MAP2K5: variants seen among roughly 807,000 people sequenced by gnomAD.
MAP2K5 encodes dual specificity mitogen-activated protein kinase kinase 5.
A neutral mutation model predicts 83.1 loss-of-function variants in MAP2K5; 49 were observed. The ratio of observed to expected loss-of-function variants is 0.59; its 90% CI spans 0.47 to 0.75. The LOEUF is 0.75. Ranked by LOEUF, MAP2K5 falls within the 30% of genes least tolerant of loss-of-function variation. The pLI is 0.00. For synonymous variants in MAP2K5, 202 were observed against 191.8 expected, an observed-to-expected ratio of 1.05 and a Z score of -0.44; for missense variants, 457 against 557.5, an observed-to-expected ratio of 0.82 and a Z score of 1.82.
chr15:67,762,651 A>C (rs1268989806), intron 19 of MAP2K5, among the ~76,000 whole-genome samples: 1 of 152,140 alleles, frequency 6.6e-6, no homozygotes, highest in Non-Finnish European at 1.5e-5. Context: ...CTTTTATCCC[A>C]ATACTGAAGA....
At chr15:67,706,836 G>A (rs2088566547) in intron 16 of MAP2K5, among the ~76,000 whole-genome samples, 1 of 152,166 alleles carries the variant, frequency 6.6e-6, no homozygotes. Context: ...ATGTGATAGG[G>A]AAGAGAAGTA....
rs553567449 is a variant in MAP2K5, at chr15:67,748,802, A to T, written c.1134+201A>T. On this transcript the variant is annotated intron_variant, in intron 19 of 21. Transcript: ENST00000178640. The surrounding 1 kb of genome is among the most constrained non-coding windows in gnomAD (Gnocchi z 4.0). ...TGGCCAAGAAACCCTGCAAAAACAGACTATCCCGCAGGCTGGTCCTCAGGG... is the reference window on the plus strand; with the variant it reads ...TGGCCAAGAAACCCTGCAAAAACAGTCTATCCCGCAGGCTGGTCCTCAGGG... 6.6e-6 allele frequency among the ~76,000 whole-genome samples: 1 copy of T among 152,318 alleles called. No homozygotes were observed. Among genetic ancestry groups the T allele is most frequent in the African/African-American group, 2.4e-5 (1 of 41,574 alleles).
intron 19 of MAP2K5, among the ~76,000 whole-genome samples, chr15:67,752,234 T>G (rs529784906): frequency 6.6e-6 from 1 of 151,946 alleles, no homozygotes; most frequent in South Asian, 2.1e-4. Flanking sequence ...CCTGGCCAAT[T>G]TTTTGTATTA....
At position 67,587,118 on chromosome 15, in the gene MAP2K5, T is replaced by C. The variant is rs62015155; in HGVS notation, c.431+205T>C. On this transcript the variant is annotated intron_variant, in intron 6 of 21. Transcript: ENST00000178640. The surrounding 1 kb of genome is among the most constrained non-coding windows in gnomAD (Gnocchi z 4.8). ...TCTCTGGGGAGAGTGACGTTTCTGT[T>C]TTGACCTGAAGAAGCAGAGAAGGGC... Among the ~76,000 whole-genome samples, 12,951 of 152,120 alleles carry C rather than the reference T, an allele frequency of 0.085. 650 individuals carry two copies. The highest frequency in any genetic ancestry group is 0.13 in the East Asian group (647 of 5,174).
At chr15:67,704,473 T>C (rs1309759115) in intron 16 of MAP2K5, among the ~76,000 whole-genome samples, 1 of 152,254 alleles carries the variant, frequency 6.6e-6, no homozygotes, top group Non-Finnish European at 1.5e-5. Context: ...GTAACCTTTT[T>C]TTTTAGTCAA....
At chr15:67,620,922 A>G (rs557444502) in intron 8 of MAP2K5, among the ~76,000 whole-genome samples, 2 of 152,330 alleles carry the variant, frequency 1.3e-5, no homozygotes, top group South Asian at 4.1e-4. Flanking sequence ...TGTAAAGTAA[A>G]TGAATTAGGT....
chr15:67,732,211 C>T (rs2089238440), intron 17 of MAP2K5, among the ~76,000 whole-genome samples: 1 of 152,094 alleles, frequency 6.6e-6, no homozygotes, highest in South Asian at 2.1e-4. Context: ...CATGTAGATC[C>T]AAATTCAGTT....
rs747080098 is a variant in MAP2K5 at position 67,783,691 on chromosome 15, G to C, written c.1242+10939G>C. Among the ~76,000 whole-genome samples the C allele has an allele frequency of 6.6e-6, 1 of 152,188 alleles. No individual in the cohort carries two copies. The highest frequency in any genetic ancestry group is 1.9e-4 in the East Asian group (1 of 5,192). ...TCCTTAGCATCTAGCCCAGTCTCCA[G>C]CCTGAGTAGAATGCTCAAATATATG... is the stretch of plus-strand genomic sequence containing the variant. On this transcript the variant is annotated intron_variant, in intron 21 of 21. Coordinates refer to ENST00000178640, the MANE Select transcript of MAP2K5 (RefSeq NM_145160.3). This position sits in a 1 kb window ranked among gnomAD's most constrained non-coding sequence, Gnocchi z 5.1.
rs1184055351 is a variant in MAP2K5 at position 67,637,429 on chromosome 15, G to A, written c.585+6502G>A. ...GAACTAATTTTCCCCGTGCAGCAGA[G>A]GTAGTACTCTTCTGAGTACTCTACC... On this transcript the variant is annotated intron_variant, in intron 9 of 21. Transcript: ENST00000178640. The surrounding 1 kb of genome is among the most constrained non-coding windows in gnomAD (Gnocchi z 4.5). Among the ~76,000 whole-genome samples, 2 of 152,182 alleles carry A rather than the reference G, an allele frequency of 1.3e-5. No homozygotes were observed. Among genetic ancestry groups the A allele is most frequent in the African/African-American group, 4.8e-5 (2 of 41,442 alleles).
intron 2 of MAP2K5, among the ~76,000 whole-genome samples, chr15:67,554,309 T>G (rs2084579642): frequency 6.6e-6 from 1 of 152,210 alleles, no homozygotes. Flanking sequence ...TCCATGCTCC[T>G]CAGCCTCTCA....
At chr15:67,756,748 C>A (rs1156277228) in intron 19 of MAP2K5, among the ~76,000 whole-genome samples, 1 of 152,086 alleles carries the variant, frequency 6.6e-6, no homozygotes, top group Non-Finnish European at 1.5e-5. Context: ...ATGAGTTCAG[C>A]TATTTTAGAT....
chr15:67,609,019 G>A (rs979406573), intron 8 of MAP2K5, among the ~76,000 whole-genome samples: 1 of 152,148 alleles, frequency 6.6e-6, no homozygotes, highest in Non-Finnish European at 1.5e-5. Context: ...TCATTGCTGG[G>A]TGACTCTGGG....
Position 67,737,575 on chromosome 15 carries a change from G to GCT in MAP2K5, c.1074+9631_1074+9632insTC, listed in dbSNP as rs574496902. Among the ~76,000 whole-genome samples, 680 of 152,182 alleles carry GCT rather than the reference G, an allele frequency of 4.5e-3. 7 individuals are homozygous for GCT. Among genetic ancestry groups the GCT allele is most frequent in the African/African-American group, 0.015 (642 of 41,510 alleles). On this transcript the variant is annotated intron_variant, in intron 17 of 21. Transcript: ENST00000178640. ...AGTTCATTGAAAAAATCAATGAGTT[G>GCT]CCTAAAAGGAGCAAAGAGCTGATTC...
At chr15:67,602,540 C>T (rs755603984) in intron 8 of MAP2K5, among the ~76,000 whole-genome samples, 10 of 152,126 alleles carry the variant, frequency 6.6e-5, no homozygotes, top group Non-Finnish European at 1.5e-4. Context: ...ATTTTCCTAG[C>T]TTATTTCTAG....
rs924467132 is a variant in MAP2K5 at position 67,781,585 on chromosome 15, G to A, written c.1242+8833G>A. Among the ~76,000 whole-genome samples, 2 of 152,194 alleles carry A rather than the reference G, an allele frequency of 1.3e-5. No individual in the cohort carries two copies. The highest frequency in any genetic ancestry group is 6.5e-5 in the Admixed American group (1 of 15,288). On this transcript the variant is annotated intron_variant, in intron 21 of 21. Coordinates refer to ENST00000178640, the MANE Select transcript of MAP2K5 (RefSeq NM_145160.3). This position sits in a 1 kb window ranked among gnomAD's most constrained non-coding sequence, Gnocchi z 4.0. ...GGTCTACCGAGAGACATTTGCTGGAGTGTGGACTAGTTTCTTTCCAGTATC... is the reference window on the plus strand; with the variant it reads ...GGTCTACCGAGAGACATTTGCTGGAATGTGGACTAGTTTCTTTCCAGTATC...
At chr15:67,628,523 A>G in intron 8 of MAP2K5, 1 of 773,614 alleles carries the variant, frequency 1.3e-6, no homozygotes. Flanking sequence ...ACTGAGGAAT[A>G]TCACCTAAGA....
Position 67,717,867 on chromosome 15 carries a change from C to T in MAP2K5, c.1045-10049C>T, listed in dbSNP as rs2088864377. ...TGCAAAAGCTACAGATCTGTTAAGG[C>T]CCAACCTCAGAAATTACACAGGATT... On this transcript the variant is annotated intron_variant, in intron 16 of 21. Transcript: ENST00000178640. The surrounding 1 kb of genome is among the most constrained non-coding windows in gnomAD (Gnocchi z 4.1). 6.6e-6 allele frequency: 1 copy of T among 152,148 alleles called. No individual in the cohort carries two copies. Among genetic ancestry groups the T allele is most frequent in the African/African-American group, 2.4e-5 (1 of 41,424 alleles). 9.4% of individuals were successfully genotyped at this position (152,148 alleles called of 1,614,324 possible).
At position 67,665,249 on chromosome 15, in the gene MAP2K5, A is replaced by C. The variant is rs2087348411; in HGVS notation, c.847+604A>C. Among the ~76,000 whole-genome samples the C allele has an allele frequency of 6.6e-6, 1 of 152,174 alleles. No homozygotes were observed. Among genetic ancestry groups the C allele is most frequent in the African/African-American group, 2.4e-5 (1 of 41,440 alleles). On this transcript the variant is annotated intron_variant, in intron 13 of 21. Transcript: ENST00000178640. This position sits in a 1 kb window ranked among gnomAD's most constrained non-coding sequence, Gnocchi z 4.2. The stretch of plus-strand genomic sequence containing the variant: ...TAGTCCCCTTGTCTAGTAACAGAAC[A>C]CATGAGAGAATAATCAGATGAGTGT...
chr15:67,549,104 C>T, intron 1 of MAP2K5: 2 of 1,533,806 alleles, frequency 1.3e-6, no homozygotes, highest in East Asian at 2.4e-5. Context: ...GCCAGTTCTG[C>T]TGCAGCCTGG....
Sources: gnomAD v4.1 joint callset for allele counts (sites outside exome capture counted in the v4.1 genomes callset) on GRCh38, gnomAD v4.1.1 for gene constraint, Gnocchi (gnomAD v3.1) non-coding constraint, MANE v1.5 for transcripts, NCBI Gene and HGNC (gene_info 2026-07-23, HGNC 2026-07-21) for gene names.